Variants in MOB3B observed in about 807,000 individuals in gnomAD.
The protein encoded by MOB3B is MOB kinase activator-like 2B.
Under a neutral mutation model 18.7 loss-of-function variants are expected in MOB3B, and 7 were observed. The ratio of observed to expected loss-of-function variants is 0.37; its 90% CI spans 0.21 to 0.70. The LOEUF (loss-of-function observed/expected upper bound fraction) is 0.70. MOB3B is among the 30% of genes least tolerant of loss of function. MOB3B has a pLI of 0.52. For synonymous variants in MOB3B, 111 were observed against 99.9 expected (o/e 1.11, Z -0.66); for missense variants, 253 against 281.3 (o/e 0.90, Z 0.72).
rs1048620448 is a variant in MOB3B at position 27,325,293 on chromosome 9, T to C, written c.*5294A>G. The C allele has an allele frequency of 6.6e-6, 1 of 152,266 alleles. No individual in the cohort carries two copies. Among genetic ancestry groups the C allele is most frequent in the Non-Finnish European group, 1.5e-5 (1 of 68,050 alleles). The allele number at this position is 152,266 out of a possible 1,614,324, so 9.4% of individuals were successfully genotyped here. A position where few individuals can be genotyped will look rare whatever the true frequency, so the allele number is the denominator to read the frequency against. ...TTCCTAAATATCATTTAATTTTATGTTGCTTTTCTAATTGATTTAATTGTT... is the reference window on the plus strand; with the variant it reads ...TTCCTAAATATCATTTAATTTTATGCTGCTTTTCTAATTGATTTAATTGTT... On this transcript the variant is annotated 3_prime_UTR_variant, in exon 4 of 4. Transcript: ENST00000262244.
chr9:27,366,065 G>A (rs1325522188), intron 2 of MOB3B, among the ~76,000 whole-genome samples: 2 of 152,178 alleles, frequency 1.3e-5, no homozygotes, highest in South Asian at 2.1e-4. Context: ...GCTGGGGTGA[G>A]GGTGGAGAGT....
At chr9:27,342,543 T>C (rs973011230) in intron 3 of MOB3B, among the ~76,000 whole-genome samples, 3 of 150,450 alleles carry the variant, frequency 2.0e-5, no homozygotes, top group African/African-American at 7.3e-5. Context: ...ACTGCCGCCA[T>C]CTTGGCTCAC....
At chr9:27,393,476 C>T (rs1260278017) in intron 2 of MOB3B, among the ~76,000 whole-genome samples, 3 of 151,776 alleles carry the variant, frequency 2.0e-5, no homozygotes, top group African/African-American at 4.8e-5. Flanking sequence ...AGGACACCAT[C>T]GATACTGTAT....
At chr9:27,524,946 T>A (rs1820408619) in intron 1 of MOB3B, 1 of 1,587,842 alleles carries the variant, frequency 6.3e-7, no homozygotes, top group Non-Finnish European at 8.5e-7. Flanking sequence ...TACAGCTCTA[T>A]TCAGGAGGAA....
intron 3 of MOB3B, among the ~76,000 whole-genome samples, chr9:27,338,892 A>T (rs1563843900): frequency 6.6e-6 from 1 of 152,234 alleles, no homozygotes; most frequent in African/African-American, 2.4e-5. Context: ...GTGGACAGGC[A>T]GGTAACTCCA....
At chr9:27,506,752 G>A (rs979589227) in intron 1 of MOB3B, among the ~76,000 whole-genome samples, 1 of 151,360 alleles carries the variant, frequency 6.6e-6, no homozygotes, top group African/African-American at 2.4e-5. Context: ...GGATGGTCTC[G>A]ATCTCCTGAC....
chr9:27,412,098 G>A (rs1390533263), intron 2 of MOB3B, among the ~76,000 whole-genome samples: 1 of 151,754 alleles, frequency 6.6e-6, no homozygotes, highest in African/African-American at 2.4e-5. Context: ...TTCACATAAT[G>A]TGTGGAAGGA....
At chr9:27,389,957 A>T (rs1006533083) in intron 2 of MOB3B, among the ~76,000 whole-genome samples, 1 of 152,176 alleles carries the variant, frequency 6.6e-6, no homozygotes, top group Non-Finnish European at 1.5e-5. Context: ...AAAAATAATT[A>T]AAAATAAAAA....
intron 3 of MOB3B, among the ~76,000 whole-genome samples, chr9:27,352,837 C>A (rs531064916): frequency 6.6e-6 from 1 of 152,144 alleles, no homozygotes; most frequent in South Asian, 2.1e-4. Context: ...TTAAATTGGG[C>A]GGGCTACACA....
At chr9:27,422,980 G>A (rs1398017838) in intron 2 of MOB3B, among the ~76,000 whole-genome samples, 7 of 152,196 alleles carry the variant, frequency 4.6e-5, no homozygotes, top group South Asian at 2.1e-4. Flanking sequence ...AATATTAGAC[G>A]AATTATCCCA....
chr9:27,391,573 G>A lies in MOB3B; in HGVS notation c.419-32337C>T, dbSNP rs538452218. Among the ~76,000 whole-genome samples, 140 of 152,312 alleles carry A rather than the reference G, an allele frequency of 9.2e-4. 1 individual carries two copies. Among genetic ancestry groups the A allele is most frequent in the African/African-American group, 3.3e-3 (138 of 41,580 alleles). On this transcript the variant is annotated intron_variant, in intron 2 of 3. Transcript: ENST00000262244. ...TATTAAACTATTTTAATGAAAGTAA[G>A]TGTTTACACTAAATAGCATCTCTGA...
chr9:27,379,939 C>T (rs565332069), intron 2 of MOB3B, among the ~76,000 whole-genome samples: 47 of 152,262 alleles, frequency 3.1e-4, no homozygotes, highest in Middle Eastern at 3.4e-3. Context: ...AAAACTTGTT[C>T]GTTAAAAGTG....
intron 3 of MOB3B, among the ~76,000 whole-genome samples, chr9:27,353,300 A>C (rs1821135738): frequency 6.6e-6 from 1 of 152,212 alleles, no homozygotes; most frequent in Non-Finnish European, 1.5e-5. Context: ...TCACATGCAC[A>C]TTAAAGTTTG....
intron 1 of MOB3B, among the ~76,000 whole-genome samples, chr9:27,487,482 A>G (rs1819746860): frequency 6.6e-6 from 1 of 152,118 alleles, no homozygotes; most frequent in Non-Finnish European, 1.5e-5. Context: ...ACAGACCCCT[A>G]TGTGCACAGT....
At chr9:27,331,671 C>G (rs568174266) in intron 3 of MOB3B, among the ~76,000 whole-genome samples, 1 of 152,208 alleles carries the variant, frequency 6.6e-6, no homozygotes, top group Non-Finnish European at 1.5e-5. Context: ...TAGTAATGAG[C>G]CCTGTGCCAT....
At chr9:27,337,008 G>A (rs1195649560) in intron 3 of MOB3B, among the ~76,000 whole-genome samples, 1 of 152,208 alleles carries the variant, frequency 6.6e-6, no homozygotes, top group Non-Finnish European at 1.5e-5. Flanking sequence ...CAGCAGTGCA[G>A]CCTCAGTCCC....
chr9:27,493,038 T>C (rs77436566), intron 1 of MOB3B, among the ~76,000 whole-genome samples: 6 of 152,172 alleles, frequency 3.9e-5, no homozygotes, highest in African/African-American at 1.4e-4. Context: ...AATAGACACA[T>C]AATAAAGGAA....
intron 2 of MOB3B, among the ~76,000 whole-genome samples, chr9:27,404,702 T>C (rs1352919020): frequency 6.6e-6 from 1 of 152,204 alleles, no homozygotes. Context: ...GTTGACTCCA[T>C]ATCTTGGCTA....
At chr9:27,527,188 C>A (rs1441096778) in intron 1 of MOB3B, among the ~76,000 whole-genome samples, 1 of 152,120 alleles carries the variant, frequency 6.6e-6, no homozygotes, top group Non-Finnish European at 1.5e-5. Flanking sequence ...CGGGGTAGGC[C>A]AAGACAAGAA....
Sources: allele counts gnomAD v4.1 joint callset (sites outside exome capture counted in the v4.1 genomes callset), GRCh38; gene constraint gnomAD v4.1.1; transcripts MANE v1.5; gene names NCBI Gene and HGNC (gene_info 2026-07-23, HGNC 2026-07-21).